Variants in ZNG1B observed in about 807,000 individuals in gnomAD.
The protein encoded by ZNG1B is Zn regulated GTPase metalloprotein activator 1B.
chr2:113,444,835 G>A, the ZNG1B span: 3 of 1,322,164 alleles, frequency 2.3e-6, no homozygotes, highest in Non-Finnish European at 3.1e-6. Context: ...AAGGTTAGAA[G>A]TGAGTTAAAT....
the ZNG1B span, chr2:113,437,702 C>A: frequency 6.7e-7 from 1 of 1,500,888 alleles, no homozygotes; most frequent in South Asian, 1.3e-5. Context: ...AGGGACGAGG[C>A]GCTTCTCGTC....
At chr2:113,486,802 G>T in the ZNG1B span, among the ~76,000 whole-genome samples, 1 of 152,182 alleles carries the variant, frequency 6.6e-6, no homozygotes, top group Non-Finnish European at 1.5e-5. Context: ...GCAATTTGGA[G>T]TCGTATTTTG....
the ZNG1B span, among the ~76,000 whole-genome samples, chr2:113,467,060 T>C: frequency 7.7e-6 from 1 of 129,112 alleles, no homozygotes; most frequent in African/African-American, 3.2e-5. Flanking sequence ...CGAGACTCTG[T>C]CTCAAAAAAA....
the ZNG1B span, among the ~76,000 whole-genome samples, chr2:113,472,966 CG>C: frequency 2.0e-5 from 3 of 150,446 alleles, no homozygotes; most frequent in Non-Finnish European, 3.0e-5. Flanking sequence ...CTTGGCGATG[CG>C]GGCTCTTTTT....
chr2:113,462,132 G>A, the ZNG1B span, among the ~76,000 whole-genome samples: 2 of 152,046 alleles, frequency 1.3e-5, no homozygotes, highest in Non-Finnish European at 2.9e-5. Flanking sequence ...CACAAGAGTA[G>A]CAAGTAACAG....
chr2:113,483,130 C>A, the ZNG1B span, among the ~76,000 whole-genome samples: 7 of 152,292 alleles, frequency 4.6e-5, no homozygotes, highest in African/African-American at 1.7e-4. Flanking sequence ...AAACCCAGTT[C>A]TTCATGATAG....
the ZNG1B span, chr2:113,462,546 G>T: frequency 6.4e-7 from 1 of 1,566,964 alleles, no homozygotes; most frequent in African/African-American, 1.4e-5. Flanking sequence ...TGTATACACA[G>T]AATATTTTTT....
At chr2:113,485,866 A>G in the ZNG1B span, among the ~76,000 whole-genome samples, 1 of 152,150 alleles carries the variant, frequency 6.6e-6, no homozygotes, top group African/African-American at 2.4e-5. Context: ...GACTAAATAA[A>G]CAAACCTGAG....
At chr2:113,469,489 A>G in the ZNG1B span, 1 of 147,720 alleles carries the variant, frequency 6.8e-6, no homozygotes, top group Admixed American at 6.9e-5. Context: ...GAAAAAGGAA[A>G]TATGTTTAAT....
At chr2:113,455,671 G>A in the ZNG1B span, 1 of 1,275,622 alleles carries the variant, frequency 7.8e-7, no homozygotes, top group African/African-American at 1.5e-5. Flanking sequence ...TAAATTCAGT[G>A]TTTAAAAATT....
At chr2:113,479,108 G>C in the ZNG1B span, among the ~76,000 whole-genome samples, 1 of 150,066 alleles carries the variant, frequency 6.7e-6, no homozygotes, top group Non-Finnish European at 1.5e-5. Flanking sequence ...AGACAGGAAA[G>C]TTTGGTATAC....
At chr2:113,478,424 T>G in the ZNG1B span, among the ~76,000 whole-genome samples, 1 of 151,934 alleles carries the variant, frequency 6.6e-6, no homozygotes, top group Non-Finnish European at 1.5e-5. Flanking sequence ...CACAGGCATG[T>G]GTCACCATGC....
the ZNG1B span, chr2:113,439,212 C>G: frequency 1.5e-5 from 21 of 1,408,486 alleles, no homozygotes; most frequent in Non-Finnish European, 1.9e-5. Context: ...TAGTTTCACT[C>G]CTATCCCTGA....
chr2:113,439,253 T>C, the ZNG1B span: 1 of 1,478,540 alleles, frequency 6.8e-7, no homozygotes, highest in Non-Finnish European at 9.1e-7. Flanking sequence ...ACTGTTCTTT[T>C]GGCTTCTATT....
the ZNG1B span, among the ~76,000 whole-genome samples, chr2:113,441,153 T>C: frequency 2.6e-5 from 4 of 152,308 alleles, no homozygotes; most frequent in African/African-American, 7.2e-5. Context: ...TAAATATTTA[T>C]AAAATTTTAT....
the ZNG1B span, among the ~76,000 whole-genome samples, chr2:113,464,635 T>C: frequency 2.6e-5 from 4 of 151,084 alleles, no homozygotes; most frequent in African/African-American, 9.7e-5. Context: ...GAACCTGGGA[T>C]GTGTGACTTA....
chr2:113,460,848 T>G, the ZNG1B span: 16 of 1,400,868 alleles, frequency 1.1e-5, no homozygotes, highest in Non-Finnish European at 1.5e-5. Flanking sequence ...TTTTTTTCCC[T>G]TAGTTGAATT....
the ZNG1B span, among the ~76,000 whole-genome samples, chr2:113,475,938 C>A: frequency 6.6e-6 from 1 of 152,122 alleles, no homozygotes; most frequent in Admixed American, 6.5e-5. Flanking sequence ...TCCTTCATTT[C>A]AACTTTGGTG....
the ZNG1B span, among the ~76,000 whole-genome samples, chr2:113,446,637 T>C: frequency 4.7e-5 from 7 of 148,486 alleles, no homozygotes; most frequent in Admixed American, 4.7e-4. Context: ...TCCCAGCTAC[T>C]CAGGAGGCTA....
Sources: allele counts gnomAD v4.1 joint callset (sites outside exome capture counted in the v4.1 genomes callset), GRCh38; gene constraint gnomAD v4.1.1; transcripts MANE v1.5; gene names NCBI Gene and HGNC (gene_info 2026-07-23, HGNC 2026-07-21).